Variants in ZNF83 observed in about 807,000 individuals in gnomAD.
The protein encoded by ZNF83 is zinc finger protein 83.
For synonymous variants in ZNF83, 209 were observed against 213.0 expected, an observed-to-expected ratio of 0.98 and a Z score of 0.17; for missense variants, 552 against 629.9, an observed-to-expected ratio of 0.88 and a Z score of 1.32.
At chr19:52,658,874 C>G (rs1021718448) in intron 2 of ZNF83, among the ~76,000 whole-genome samples, 2 of 152,192 alleles carry the variant, frequency 1.3e-5, no homozygotes, top group African/African-American at 4.8e-5. Context: ...TTTAATCATT[C>G]ATGAAACTAC....
chr19:52,657,052 T>G (rs2061515322), intron 2 of ZNF83, among the ~76,000 whole-genome samples: 2 of 150,810 alleles, frequency 1.3e-5, no homozygotes, highest in African/African-American at 4.9e-5. Context: ...GAGAGCAGAG[T>G]TTGAAGTGAT....
chr19:52,654,664 C>G lies in ZNF83; in HGVS notation c.-74+897G>C, dbSNP rs918799030. Among the ~76,000 whole-genome samples, 5 of 152,138 alleles carry G rather than the reference C, an allele frequency of 3.3e-5. No individual in the cohort carries two copies. The East Asian group carries it at 9.6e-4, about 29-fold the overall frequency. On this transcript the variant is annotated intron_variant, in intron 3 of 5. Coordinates refer to the ZNF83 transcript ENST00000594682. ...CCTAGGAGGCAGAGATTGCAGTGAA[C>G]AGAGATCACATCATTGCACTCCAGC...
intron 2 of ZNF83, among the ~76,000 whole-genome samples, chr19:52,622,122 C>T (rs1381589348): frequency 6.6e-6 from 1 of 151,962 alleles, no homozygotes; most frequent in African/African-American, 2.4e-5. Flanking sequence ...ACCCTGTAAC[C>T]CTGCTGTCAC....
intron 1 of ZNF83, chr19:52,690,434 G>A: frequency 5.5e-6 from 1 of 181,326 alleles, no homozygotes; most frequent in Non-Finnish European, 1.2e-5. Context: ...ACAAAACAGC[G>A]AAACTCACCG....
intron 3 of ZNF83, among the ~76,000 whole-genome samples, chr19:52,653,570 G>A (rs2061470239): frequency 6.6e-6 from 1 of 152,000 alleles, no homozygotes; most frequent in Non-Finnish European, 1.5e-5. Context: ...CATTTGTAAG[G>A]TTTCTCTCCA....
At chr19:52,623,059 G>A (rs941140609) in intron 2 of ZNF83, among the ~76,000 whole-genome samples, 1 of 152,184 alleles carries the variant, frequency 6.6e-6, no homozygotes, top group African/African-American at 2.4e-5. Flanking sequence ...GCCAAGGAAT[G>A]CCTGCAGCCA....
intron 1 of ZNF83, among the ~76,000 whole-genome samples, chr19:52,671,043 G>C (rs968578811): frequency 7.2e-5 from 11 of 152,166 alleles, no homozygotes; most frequent in African/African-American, 2.7e-4. Context: ...GTAGGGCCTA[G>C]AAGAAAAAGA....
At chr19:52,644,845 C>T (rs1044642941) in intron 3 of ZNF83, among the ~76,000 whole-genome samples, 1 of 151,786 alleles carries the variant, frequency 6.6e-6, no homozygotes, top group Non-Finnish European at 1.5e-5. Context: ...TCCATTTCTA[C>T]TAAAAATACA....
intron 3 of ZNF83, among the ~76,000 whole-genome samples, chr19:52,650,088 T>C (rs2147248014): frequency 6.6e-6 from 1 of 152,100 alleles, no homozygotes; most frequent in East Asian, 1.9e-4. Flanking sequence ...TGTGGAAAAT[T>C]AGGTCATTTC....
At chr19:52,637,196 C>T (rs13345832) in intron 1 of ZNF83, 9,535 of 152,476 alleles carry the variant, frequency 0.063, 320 homozygotes, top group African/African-American at 0.069. Context: ...ATCGTTCTAT[C>T]GTCCTCAATC....
chr19:52,678,713 C>A lies in ZNF83; in HGVS notation c.-283+11730G>T, dbSNP rs187620560. Among the ~76,000 whole-genome samples, 1,278 of 152,094 alleles carry A rather than the reference C, an allele frequency of 8.4e-3. 21 individuals carry two copies. Among genetic ancestry groups the A allele is most frequent in the Non-Finnish European group, 0.013 (865 of 68,008 alleles). On this transcript the variant is annotated intron_variant, in intron 1 of 5. Coordinates refer to the ZNF83 transcript ENST00000594682. ...CTTTGTAGGCCAGGCATGGCTCATGCCTGTAATCCCAGTACTTTGGGAGAC... is the reference window on the plus strand; with the variant it reads ...CTTTGTAGGCCAGGCATGGCTCATGACTGTAATCCCAGTACTTTGGGAGAC...
rs1228713054 is a variant in ZNF83, at chr19:52,627,680, T to C, written c.-234+7386A>G. Among the ~76,000 whole-genome samples, 4 of 152,156 alleles carry C rather than the reference T, an allele frequency of 2.6e-5. No individual in the cohort carries two copies. The East Asian group carries it at 7.7e-4, about 29-fold the overall frequency. ...AAATAAATAAATAAATATTGGGTAC[T>C]GGGCTTAATGTCAAGGTGATGAACT... On this transcript the variant is annotated intron_variant, in intron 2 of 2. Transcript: ENST00000301096.
chr19:52,653,058 C>G, intron 3 of ZNF83: 1 of 1,462,408 alleles, frequency 6.8e-7, no homozygotes. Context: ...ATTCATTACA[C>G]TTGTAAGGTT....
chr19:52,680,244 G>A lies in ZNF83; in HGVS notation c.-283+10199C>T, dbSNP rs116010415. Among the ~76,000 whole-genome samples, 491 of 152,220 alleles carry A rather than the reference G, an allele frequency of 3.2e-3. 2 individuals carry two copies. The highest frequency in any genetic ancestry group is 0.011 in the African/African-American group (470 of 41,540). Reference sequence around the variant, plus strand: ...AAAACAGAACACATAACCAGGCAGAGCCAAGATAGACAAGAGCAGATTTCT... The same window carrying A: ...AAAACAGAACACATAACCAGGCAGAACCAAGATAGACAAGAGCAGATTTCT... On this transcript the variant is annotated intron_variant, in intron 1 of 5. Coordinates refer to the ZNF83 transcript ENST00000594682.
At chr19:52,614,315 C>CTT in exon 3 of ZNF83, 1 of 1,613,526 alleles carries the variant, frequency 6.2e-7, no homozygotes, top group South Asian at 1.1e-5. Context: ...TTTGCTTTCT[C>CTT]TTTTTGTGTG....
chr19:52,620,400 A>G (rs1405171658), intron 2 of ZNF83, among the ~76,000 whole-genome samples: 2 of 151,898 alleles, frequency 1.3e-5, no homozygotes, highest in Admixed American at 1.3e-4. Context: ...ACAGGAGATT[A>G]CCCATCCTAG....
At chr19:52,640,841 ATGT>A (rs1251789950), upstream of ZNF83, among the ~76,000 whole-genome samples, 2 of 152,188 alleles carry the variant, frequency 1.3e-5, no homozygotes, top group Non-Finnish European at 2.9e-5. Flanking sequence ...CTACTACAAC[ATGT>A]TGTTTTATCT....
chr19:52,659,176 C>A (rs916658905), intron 2 of ZNF83, among the ~76,000 whole-genome samples: 8 of 151,724 alleles, frequency 5.3e-5, no homozygotes, highest in African/African-American at 1.7e-4. Flanking sequence ...AGAAACAGAC[C>A]CCCCACAGTT....
chr19:52,667,056 T>C lies in ZNF83; in HGVS notation c.-282-6213A>G, dbSNP rs536438111. Among the ~76,000 whole-genome samples, 25 of 152,268 alleles carry C rather than the reference T, an allele frequency of 1.6e-4. No individual in the cohort carries two copies. In the South Asian group the frequency reaches 5.0e-3, roughly 30 times the overall value. ...TATGGACTGAACAAGGTCTTATTAA[T>C]AGCAAAGAATTGAAATCCCAAACTT... On this transcript the variant is annotated intron_variant, in intron 1 of 5. Coordinates refer to the ZNF83 transcript ENST00000594682.
Sources: allele counts gnomAD v4.1 joint callset (sites outside exome capture counted in the v4.1 genomes callset), GRCh38; gene constraint gnomAD v4.1.1; transcripts MANE v1.5; gene names NCBI Gene and HGNC (gene_info 2026-07-23, HGNC 2026-07-21).